MEGF10: variants seen among roughly 807,000 people sequenced by gnomAD.
MEGF10 encodes multiple EGF like domains 10, also known as multiple epidermal growth factor-like domains protein 10.
Under a neutral mutation model 147.5 loss-of-function variants are expected in MEGF10, and 86 were observed. That is an observed-to-expected ratio of 0.58 (90% CI 0.49 to 0.70). The LOEUF (loss-of-function observed/expected upper bound fraction) is 0.70. MEGF10 is among the 30% of genes least tolerant of loss of function. The probability of loss-of-function intolerance (pLI) is 0.00; values close to 1 mark genes in which losing one functional copy is unlikely to be tolerated. For missense variants in MEGF10, 1,329 were observed against 1,487.3 expected, an observed-to-expected ratio of 0.89 and a Z score of 1.75; for synonymous variants, 478 against 525.5, an observed-to-expected ratio of 0.91 and a Z score of 1.24.
chr5:127,346,191 TATA>T (rs1253970514), intron 4 of MEGF10, among the ~76,000 whole-genome samples: 1 of 152,202 alleles, frequency 6.6e-6, no homozygotes, highest in Non-Finnish European at 1.5e-5. Flanking sequence ...ATCTTTTTCG[TATA>T]ATGACTTCTT....
chr5:127,302,937 G>C (rs939033528), intron 1 of MEGF10, among the ~76,000 whole-genome samples: 2 of 152,126 alleles, frequency 1.3e-5, no homozygotes, highest in African/African-American at 4.8e-5. Flanking sequence ...CAGAAGAGGA[G>C]AGAGTACCCC....
Position 127,417,740 on chromosome 5 carries a change from G to T in MEGF10, c.1233G>T (p.Gln411His). The T allele has an allele frequency of 6.2e-7, 1 of 1,614,122 alleles. No individual in the cohort carries two copies. The highest frequency in any genetic ancestry group is 8.5e-7 in the Non-Finnish European group (1 of 1,180,030). ...SPGFYGEACQ[Q>H]ICSCQNGADC... ...GATTCTACGGGGAAGCTTGCCAGCA[G>T]ATCTGCAGCTGCCAAAATGGGGCAG... is the stretch of plus-strand genomic sequence containing the variant. Residue 411 changes from glutamine to histidine, a missense_variant, in exon 10 of 25, where the codon CAG (glutamine) becomes CAT (histidine). Physicochemically the swap from Gln to His is conservative, Grantham distance 24. This residue lies in a region of MEGF10 where 980 missense variants were observed against 1,085.9 expected (regional missense o/e 0.90). Transcript: ENST00000503335.
intron 13 of MEGF10, among the ~76,000 whole-genome samples, chr5:127,428,731 T>C (rs923100568): frequency 1.3e-5 from 2 of 152,172 alleles, no homozygotes; most frequent in African/African-American, 4.8e-5. Context: ...GCTCCAAATA[T>C]TGGAATACTG....
chr5:127,247,424 A>AGAAGAAGAAGAAGAAGAAGAG, the MEGF10 span, among the ~76,000 whole-genome samples: 1 of 94,450 alleles, frequency 1.1e-5, no homozygotes, highest in Non-Finnish European at 2.1e-5. Flanking sequence ...AAGAAGAAGA[A>AGAAGAAGAAGAAGAAGAAGAG]GAAGAAGAAG....
At chr5:127,321,005 T>A (rs1760766252) in intron 1 of MEGF10, among the ~76,000 whole-genome samples, 1 of 152,220 alleles carries the variant, frequency 6.6e-6, no homozygotes, top group African/African-American at 2.4e-5. Flanking sequence ...TCTTAGAGTA[T>A]CTAACTTTTA....
At chr5:127,282,794 A>G in the MEGF10 span, among the ~76,000 whole-genome samples, 1 of 152,236 alleles carries the variant, frequency 6.6e-6, no homozygotes, top group African/African-American at 2.4e-5. Flanking sequence ...TGAAGGGCCA[A>G]AGCCTTCCTG....
At chr5:127,320,157 T>A (rs1167462730) in intron 1 of MEGF10, among the ~76,000 whole-genome samples, 3 of 152,186 alleles carry the variant, frequency 2.0e-5, no homozygotes, top group Non-Finnish European at 4.4e-5. Flanking sequence ...TCCTGACTGA[T>A]GTTTCTGAAA....
In MEGF10 at chr5:127,410,443, C is replaced by T; in HGVS notation, c.972C>T (p.Cys324=). 3.7e-6 allele frequency: 6 copies of T among 1,614,238 alleles called. No individual in the cohort carries two copies. Among genetic ancestry groups the T allele is most frequent in the Non-Finnish European group, 5.1e-6 (6 of 1,180,048 alleles). ...ATGGCGTTCTCTGTGCTGAGACCTG[C>T]CAGTGTGTCAACGGAGGGAAGTGTT... The part of the protein sequence containing the change: ...GTYGVLCAET[C]QCVNGGKCYH... Residue 324 remains cysteine (C), a synonymous_variant, in exon 9 of 25, where the codon TGC becomes TGT. Coordinates refer to ENST00000503335, the MANE Select transcript of MEGF10 (RefSeq NM_001256545.2).
chr5:127,318,411 C>T (rs865918977), intron 1 of MEGF10, among the ~76,000 whole-genome samples: 1 of 152,156 alleles, frequency 6.6e-6, no homozygotes, highest in South Asian at 2.1e-4. Flanking sequence ...TGGCCATTTC[C>T]TCATCCCTGA....
chr5:127,411,717 CG>C (rs1764572110), intron 9 of MEGF10, among the ~76,000 whole-genome samples: 1 of 152,100 alleles, frequency 6.6e-6, no homozygotes, highest in Non-Finnish European at 1.5e-5. Context: ...GACAAGTTTA[CG>C]TAAATATTTG....
intron 1 of MEGF10, among the ~76,000 whole-genome samples, chr5:127,322,623 G>A (rs1760832575): frequency 6.6e-6 from 1 of 152,116 alleles, no homozygotes; most frequent in Admixed American, 6.6e-5. Flanking sequence ...GGTAAACATG[G>A]CCTTCACCAG....
chr5:127,331,344 T>G lies in MEGF10; in HGVS notation c.36T>G (p.Ile12Met), dbSNP rs1395249331. ...VISLNSCLSF[I>M]CLLLCHWIGT... Reference sequence around the variant, plus strand: ...CTTTGAACTCATGCCTGAGCTTTATTTGTTTATTGTTATGCCACTGGATTG... The same window carrying G: ...CTTTGAACTCATGCCTGAGCTTTATGTGTTTATTGTTATGCCACTGGATTG... Residue 12 changes from isoleucine to methionine, a missense_variant, in exon 2 of 25, where the codon ATT (isoleucine) becomes ATG (methionine). Coordinates refer to ENST00000503335, the MANE Select transcript of MEGF10 (RefSeq NM_001256545.2). 2 of 1,613,238 alleles carry G rather than the reference T, an allele frequency of 1.2e-6. No individual in the cohort carries two copies. Among genetic ancestry groups the G allele is most frequent in the South Asian group, 2.2e-5 (2 of 91,024 alleles).
At chr5:127,365,756 T>TA (rs1326399854) in intron 4 of MEGF10, among the ~76,000 whole-genome samples, 3 of 152,238 alleles carry the variant, frequency 2.0e-5, no homozygotes, top group Non-Finnish European at 4.4e-5. Flanking sequence ...ATATGATCTT[T>TA]AATGATTTTC....
At chr5:127,281,436 A>G in the MEGF10 span, among the ~76,000 whole-genome samples, 1 of 152,126 alleles carries the variant, frequency 6.6e-6, no homozygotes, top group Admixed American at 6.5e-5. Context: ...GGCATTTCAG[A>G]CACTTTCAGG....
At chr5:127,269,693 G>T in the MEGF10 span, among the ~76,000 whole-genome samples, 1 of 152,034 alleles carries the variant, frequency 6.6e-6, no homozygotes, top group South Asian at 2.1e-4. Context: ...GAAATTCCCC[G>T]ATCTAGCAAG....
At chr5:127,244,323 C>G in the MEGF10 span, among the ~76,000 whole-genome samples, 1 of 150,436 alleles carries the variant, frequency 6.6e-6, no homozygotes, top group African/African-American at 2.4e-5. Flanking sequence ...GGCTATCGTG[C>G]CACTGCACTG....
At chr5:127,348,373 TAA>T (rs1342403702) in intron 4 of MEGF10, among the ~76,000 whole-genome samples, 1 of 152,158 alleles carries the variant, frequency 6.6e-6, no homozygotes, top group Non-Finnish European at 1.5e-5. Flanking sequence ...GTAGCTATTT[TAA>T]AATGGAAATG....
chr5:127,335,512 T>C (rs898296683), intron 2 of MEGF10, among the ~76,000 whole-genome samples: 3 of 152,144 alleles, frequency 2.0e-5, no homozygotes, highest in Admixed American at 6.6e-5. Context: ...CTTTTCTTCA[T>C]GATTCAAACA....
In MEGF10 at chr5:127,331,292, T is replaced by C. The variant is rs1761248323; in HGVS notation, c.-17T>C. 6.7e-7 allele frequency: 1 copy of C among 1,498,872 alleles called. No individual in the cohort carries two copies. The highest frequency in any genetic ancestry group is 1.7e-5 in the Admixed American group (1 of 58,658). 92.8% of individuals were successfully genotyped at this position (1,498,872 alleles called of 1,614,324 possible). A position where few individuals can be genotyped will look rare whatever the true frequency, so the allele number is the denominator to read the frequency against. On this transcript the variant is annotated splice_region_variant and 5_prime_UTR_variant, in exon 2 of 25. Transcript: ENST00000503335. ...ATTGGGATTTTTTCTTTCTTGTAGGTTGTTCTTCAGAAAAAAATGGTTATT... is the reference window on the plus strand; with the variant it reads ...ATTGGGATTTTTTCTTTCTTGTAGGCTGTTCTTCAGAAAAAAATGGTTATT...
Sources: gnomAD v4.1 joint callset for allele counts (sites outside exome capture counted in the v4.1 genomes callset) on GRCh38, gnomAD v4.1.1 for gene constraint, gnomAD v4.1.1 regional missense constraint, MANE v1.5 for transcripts, NCBI Gene and HGNC (gene_info 2026-07-23, HGNC 2026-07-21) for gene names.